Variants in KIFAP3 observed in about 807,000 individuals in gnomAD.
The protein encoded by KIFAP3 is kinesin associated protein 3.
KIFAP3 carries 68 observed loss-of-function variants against 106.5 expected under a neutral mutation model. That is an observed-to-expected ratio of 0.64 (90% confidence interval 0.53 to 0.78). The LOEUF (loss-of-function observed/expected upper bound fraction) is 0.78. Ranked by LOEUF, KIFAP3 falls within the 30% of genes least tolerant of loss-of-function variation. KIFAP3 has a pLI of 0.00. For synonymous variants in KIFAP3, 320 were observed against 311.5 expected (o/e 1.03, Z -0.29); for missense variants, 780 against 941.8 (o/e 0.83, Z 2.25).
intron 17 of KIFAP3, among the ~76,000 whole-genome samples, chr1:169,966,793 G>A (rs1286960016): frequency 6.6e-6 from 1 of 151,688 alleles, no homozygotes; most frequent in African/African-American, 2.4e-5. Flanking sequence ...TTGGACTTGT[G>A]CCATAAAAGT....
At chr1:169,938,149 T>A (rs983552030) in intron 19 of KIFAP3, among the ~76,000 whole-genome samples, 1 of 151,868 alleles carries the variant, frequency 6.6e-6, no homozygotes, top group African/African-American at 2.4e-5. Context: ...AAAATAAAAT[T>A]TTTCTATGAT....
Position 169,921,756 on chromosome 1 carries a change from G to GT in KIFAP3, c.2298dup (p.Pro767ThrfsTer17). On this transcript the variant is annotated frameshift_variant, in exon 20 of 20. Transcript: ENST00000361580. LOFTEE classifies it high-confidence loss of function. ...GCAGGGCGTCCAAGAATGCCAACTG[G>GT]TTGGCCAAAGCCATCCATTCCAAGG... 1 of 1,613,748 alleles carries GT rather than the reference G, an allele frequency of 6.2e-7. No homozygotes were observed. The highest frequency in any genetic ancestry group is 8.5e-7 in the Non-Finnish European group (1 of 1,179,768).
intron 19 of KIFAP3, among the ~76,000 whole-genome samples, chr1:169,944,427 G>A (rs1664313593): frequency 6.6e-6 from 1 of 152,196 alleles, no homozygotes; most frequent in African/African-American, 2.4e-5. Context: ...CCCACAGAGG[G>A]TGTCACATCC....
chr1:170,031,604 A>C (rs1329154885), intron 8 of KIFAP3, among the ~76,000 whole-genome samples: 1 of 151,814 alleles, frequency 6.6e-6, no homozygotes, highest in African/African-American at 2.4e-5. Context: ...CTGAAGAGAC[A>C]AAGATTGATA....
upstream of KIFAP3, among the ~76,000 whole-genome samples, chr1:170,076,530 A>C (rs1446382612): frequency 2.6e-5 from 4 of 152,184 alleles, no homozygotes; most frequent in Admixed American, 2.6e-4. Flanking sequence ...AATGATACTC[A>C]ACAACATAGA....
chr1:170,052,805 A>C (rs1415736769), intron 2 of KIFAP3, among the ~76,000 whole-genome samples: 1 of 152,212 alleles, frequency 6.6e-6, no homozygotes, highest in Non-Finnish European at 1.5e-5. Flanking sequence ...TTTTATGTTA[A>C]AAACTCTCAA....
intron 1 of KIFAP3, among the ~76,000 whole-genome samples, chr1:170,061,492 T>A (rs1671152721): frequency 6.6e-6 from 1 of 152,120 alleles, no homozygotes. Context: ...AGAATGGTGA[T>A]CATTAAAAAG....
chr1:170,034,546 T>C (rs1478359240), intron 6 of KIFAP3, 50 bp from the exon 7 acceptor site: 2 of 1,069,796 alleles, frequency 1.9e-6, no homozygotes, highest in Non-Finnish European at 2.6e-6. Flanking sequence ...ATTTTATGGG[T>C]ACAGGAAATT....
intron 10 of KIFAP3, among the ~76,000 whole-genome samples, chr1:170,011,644 A>G (rs556598937): frequency 6.6e-6 from 1 of 152,136 alleles, no homozygotes; most frequent in East Asian, 1.9e-4. Flanking sequence ...TAGGAAAAAT[A>G]TATCTTACTA....
At chr1:169,991,355 AAAGG>A (rs1382895017) in intron 11 of KIFAP3, among the ~76,000 whole-genome samples, 1 of 151,936 alleles carries the variant, frequency 6.6e-6, no homozygotes, top group Non-Finnish European at 1.5e-5. Flanking sequence ...CAAAAAAAAA[AAAGG>A]AAGGAAGGAA....
At chr1:170,069,048 T>G (rs1310481389) in intron 1 of KIFAP3, 2 of 152,084 alleles carry the variant, frequency 1.3e-5, no homozygotes, top group African/African-American at 4.8e-5. Context: ...AGTGGGACAT[T>G]ACTGCTGCTC....
chr1:169,981,595 G>GA (rs762504436), intron 15 of KIFAP3, among the ~76,000 whole-genome samples: 2 of 151,082 alleles, frequency 1.3e-5, no homozygotes, highest in African/African-American at 2.4e-5. Flanking sequence ...GGTATGTTTA[G>GA]AAAAAAAAAG....
Position 169,982,803 on chromosome 1 carries a change from C to G in KIFAP3, c.1571G>C (p.Cys524Ser), listed in dbSNP as rs760144199. The G allele has an allele frequency of 1.2e-6, 2 of 1,608,296 alleles. No homozygotes were observed. The highest frequency in any genetic ancestry group is 2.2e-5 in the South Asian group (2 of 90,410). ...GGTCAAGTTTGCAAGAGTTCCCAAACATTCAATCACAAACTCCTCTTCTTC... is the reference window on the plus strand; with the variant it reads ...GGTCAAGTTTGCAAGAGTTCCCAAAGATTCAATCACAAACTCCTCTTCTTC... ...NDEEEEFVIE[C>S]LGTLANLTIP... Residue 524 changes from cysteine to serine, a missense_variant, in exon 14 of 20, where the codon TGT becomes TCT. This residue lies in a region of KIFAP3 where 588 missense variants were observed against 678.9 expected (regional missense o/e 0.87). Coordinates refer to ENST00000361580, the MANE Select transcript of KIFAP3 (RefSeq NM_014970.4).
At chr1:170,070,928 T>C (rs1217107570) in intron 1 of KIFAP3, among the ~76,000 whole-genome samples, 2 of 152,240 alleles carry the variant, frequency 1.3e-5, no homozygotes, top group Non-Finnish European at 2.9e-5. Context: ...GACAAGGTTC[T>C]ATTACAAAGA....
Position 170,057,702 on chromosome 1 carries a change from T to C in KIFAP3, c.33-2266A>G, listed in dbSNP as rs114626281. On this transcript the variant is annotated intron_variant, in intron 1 of 19. Coordinates refer to ENST00000361580, the MANE Select transcript of KIFAP3 (RefSeq NM_014970.4). ...AAGCTGAGTAGCATTCACAATGATGTCAGATATTTAACTACTGGGAGGATT... is the reference window on the plus strand; with the variant it reads ...AAGCTGAGTAGCATTCACAATGATGCCAGATATTTAACTACTGGGAGGATT... Among the ~76,000 whole-genome samples the C allele has an allele frequency of 3.2e-3, 490 of 152,124 alleles. 2 individuals carry two copies. Among genetic ancestry groups the C allele is most frequent in the Non-Finnish European group, 4.9e-3 (336 of 67,930 alleles).
chr1:170,049,288 GC>G (rs1371323151), intron 2 of KIFAP3, among the ~76,000 whole-genome samples: 1 of 152,208 alleles, frequency 6.6e-6, no homozygotes, highest in East Asian at 1.9e-4. Flanking sequence ...TCCTCACTGG[GC>G]AGGGCATCTA....
chr1:170,037,581 C>A (rs889587969), intron 5 of KIFAP3, among the ~76,000 whole-genome samples: 9 of 148,994 alleles, frequency 6.0e-5, no homozygotes, highest in Middle Eastern at 3.4e-3. Flanking sequence ...AAAAAAAAAA[C>A]AAACCACACA....
intron 13 of KIFAP3, 101 bp downstream of exon 13, chr1:169,983,169 T>C: frequency 1.4e-6 from 1 of 701,664 alleles, no homozygotes; most frequent in Admixed American, 2.9e-5. Flanking sequence ...CAATTTGGAT[T>C]ATAAATTAAT....
chr1:169,983,157 A>G, intron 13 of KIFAP3, 113 bp downstream of exon 13: 1 of 676,626 alleles, frequency 1.5e-6, no homozygotes, highest in Non-Finnish European at 2.5e-6. Context: ...ATAACATAAG[A>G]GCAATTTGGA....
Sources: allele counts gnomAD v4.1 joint callset (sites outside exome capture counted in the v4.1 genomes callset), GRCh38; gene constraint gnomAD v4.1.1; regional missense constraint gnomAD v4.1.1; transcripts MANE v1.5; gene names NCBI Gene and HGNC (gene_info 2026-07-23, HGNC 2026-07-21).